DCDC1: variants seen among roughly 807,000 people sequenced by gnomAD.
DCDC1 encodes doublecortin domain-containing protein 1.
In DCDC1, 200 loss-of-function variants were observed where a neutral mutation model predicts 178.3. That is an observed-to-expected ratio of 1.12 (90% CI 1.00 to 1.26). DCDC1 has a LOEUF of 1.26. Among genes scored for constraint, DCDC1 ranks in the 50% most tolerant of loss-of-function variants. The pLI is 0.00. For synonymous variants in DCDC1, 690 were observed against 604.8 expected (o/e 1.14, Z -2.07); for missense variants, 1,983 against 1,749.2 (o/e 1.13, Z -2.38).
At chr11:31,072,890 T>C (rs536982872) in intron 18 of DCDC1, among the ~76,000 whole-genome samples, 12 of 152,272 alleles carry the variant, frequency 7.9e-5, no homozygotes, top group African/African-American at 2.9e-4. Flanking sequence ...ATTTGAAGCT[T>C]AAAAAGGTTA....
At chr11:31,241,158 A>C (rs1977092600) in intron 9 of DCDC1, among the ~76,000 whole-genome samples, 1 of 152,042 alleles carries the variant, frequency 6.6e-6, no homozygotes, top group African/African-American at 2.4e-5. Context: ...TCTCTTATTT[A>C]AAGTAATTGT....
chr11:30,912,228 C>T (rs1945493783), intron 27 of DCDC1, among the ~76,000 whole-genome samples: 1 of 152,130 alleles, frequency 6.6e-6, no homozygotes, highest in South Asian at 2.1e-4. Flanking sequence ...TTCCAACCTC[C>T]AGAACTGTAA....
intron 11 of DCDC1, among the ~76,000 whole-genome samples, chr11:31,115,981 T>TGGGGGGGGGGGGGGGGGGGGG (rs548179744): frequency 2.6e-5 from 1 of 38,106 alleles, no homozygotes; most frequent in Non-Finnish European, 7.4e-5. Flanking sequence ...GCTGTGGCAG[T>TGGGGGGGGGGGGGGGGGGGGG]GGGGGGGGGG....
intron 9 of DCDC1, among the ~76,000 whole-genome samples, chr11:31,238,471 C>G (rs1976713655): frequency 6.6e-6 from 1 of 152,028 alleles, no homozygotes; most frequent in South Asian, 2.1e-4. Context: ...TGACAGCTTC[C>G]CTGCTTGAAG....
At chr11:30,908,473 GA>G (rs1945228323) in intron 29 of DCDC1, among the ~76,000 whole-genome samples, 1 of 152,098 alleles carries the variant, frequency 6.6e-6, no homozygotes, top group Non-Finnish European at 1.5e-5. Context: ...TTTGATTAAG[GA>G]TAGAGTATTA....
At chr11:30,938,868 C>G (rs1471233092) in intron 21 of DCDC1, among the ~76,000 whole-genome samples, 1 of 152,170 alleles carries the variant, frequency 6.6e-6, no homozygotes, top group East Asian at 1.9e-4. Flanking sequence ...CTCCCTCCTT[C>G]CTTTGTTCCC....
At chr11:31,126,037 T>C (rs905512856) in intron 11 of DCDC1, among the ~76,000 whole-genome samples, 20 of 152,272 alleles carry the variant, frequency 1.3e-4, no homozygotes, top group African/African-American at 4.8e-4. Context: ...GTATAAGTGA[T>C]AGAAATTCTT....
chr11:30,867,946 C>T (rs1941149683), intron 38 of DCDC1, among the ~76,000 whole-genome samples: 1 of 152,164 alleles, frequency 6.6e-6, no homozygotes, highest in African/African-American at 2.4e-5. Context: ...CTCGGCCAGT[C>T]AGCATCAAGT....
intron 30 of DCDC1, among the ~76,000 whole-genome samples, chr11:30,906,155 A>T (rs1490546158): frequency 6.6e-6 from 1 of 152,152 alleles, no homozygotes; most frequent in East Asian, 1.9e-4. Context: ...ACAACAACAC[A>T]TCCAATTCCC....
chr11:30,888,058 GAA>G (rs199828035), intron 36 of DCDC1, among the ~76,000 whole-genome samples: 1,722 of 65,084 alleles, frequency 0.026, 88 homozygotes, highest in African/African-American at 0.08. Flanking sequence ...AAGAAAGAAA[GAA>G]AGAGAGAGAG....
chr11:31,177,822 A>G (rs897276307), intron 9 of DCDC1, among the ~76,000 whole-genome samples: 4 of 152,196 alleles, frequency 2.6e-5, no homozygotes, highest in Admixed American at 6.5e-5. Flanking sequence ...ACAAGAAGAT[A>G]TAACAATTAT....
intron 1 of DCDC1, among the ~76,000 whole-genome samples, chr11:31,356,217 AATTT>A (rs1951349876): frequency 6.6e-6 from 1 of 152,244 alleles, no homozygotes; most frequent in Non-Finnish European, 1.5e-5. Context: ...TCTAACAAAT[AATTT>A]ATTTAAGTTA....
At chr11:31,339,137 A>C (rs1383712253) in intron 1 of DCDC1, among the ~76,000 whole-genome samples, 1 of 152,184 alleles carries the variant, frequency 6.6e-6, no homozygotes, top group East Asian at 1.9e-4. Context: ...GTTCATGTTT[A>C]AGTCAGTTGG....
At chr11:31,364,292 T>G (rs558284669) in intron 1 of DCDC1, among the ~76,000 whole-genome samples, 5 of 151,816 alleles carry the variant, frequency 3.3e-5, no homozygotes, top group African/African-American at 1.2e-4. Context: ...CTGGAAGAGA[T>G]CACCACAAAT....
At chr11:31,018,780 T>G (rs1158061520) in intron 20 of DCDC1, among the ~76,000 whole-genome samples, 1 of 152,104 alleles carries the variant, frequency 6.6e-6, no homozygotes, top group Admixed American at 6.6e-5. Context: ...TTCCACATCC[T>G]GACAATCCAG....
At chr11:31,186,115 C>G (rs566513853) in intron 9 of DCDC1, among the ~76,000 whole-genome samples, 1 of 152,192 alleles carries the variant, frequency 6.6e-6, no homozygotes, top group African/African-American at 2.4e-5. Context: ...TTTAGGTGCT[C>G]AAAGGCTTTC....
intron 24 of DCDC1, 46 bp from the exon 25 acceptor site, chr11:30,920,981 C>T: frequency 6.4e-7 from 1 of 1,552,420 alleles, no homozygotes; most frequent in Non-Finnish European, 8.7e-7. Context: ...CTTACAATTG[C>T]AGAGCATCAG....
At chr11:30,938,069 C>T (rs755841535) in intron 21 of DCDC1, among the ~76,000 whole-genome samples, 1 of 152,046 alleles carries the variant, frequency 6.6e-6, no homozygotes, top group African/African-American at 2.4e-5. Flanking sequence ...CAGAACCTTC[C>T]CCGAGCCCTG....
At chr11:31,243,954 G>C (rs984658462) in intron 8 of DCDC1, among the ~76,000 whole-genome samples, 11 of 151,638 alleles carry the variant, frequency 7.3e-5, no homozygotes, top group African/African-American at 2.7e-4. Flanking sequence ...GGGATTAGAA[G>C]GCTCTTTCTT....
Sources: gnomAD v4.1 joint callset for allele counts (sites outside exome capture counted in the v4.1 genomes callset) on GRCh38, gnomAD v4.1.1 for gene constraint, MANE v1.5 for transcripts, NCBI Gene and HGNC (gene_info 2026-07-23, HGNC 2026-07-21) for gene names.